SLC68A1: variants seen among roughly 807,000 people sequenced by gnomAD.
SLC68A1 encodes the protein solute carrier family 68 member 1.
At chr10:102,462,622 G>A in the SLC68A1 span, among the ~76,000 whole-genome samples, 1 of 152,134 alleles carries the variant, frequency 6.6e-6, no homozygotes, top group Non-Finnish European at 1.5e-5. Context: ...GCCTGGTAGG[G>A]TGAAGGGGAA....
the SLC68A1 span, chr10:102,469,695 C>T: frequency 6.7e-5 from 15 of 224,056 alleles, no homozygotes; most frequent in Non-Finnish European, 9.7e-5. Context: ...TACAAGCACC[C>T]GCCACCACGC....
the SLC68A1 span, among the ~76,000 whole-genome samples, chr10:102,464,221 C>T: frequency 1.3e-5 from 2 of 152,036 alleles, no homozygotes; most frequent in African/African-American, 2.4e-5. Flanking sequence ...GAGGCCAAGG[C>T]GGGCGGATTG....
chr10:102,471,144 G>A, the SLC68A1 span: 1 of 1,605,922 alleles, frequency 6.2e-7, no homozygotes, highest in Non-Finnish European at 8.5e-7. Flanking sequence ...GGCTCTTCAG[G>A]TCCTCACCAG....
At chr10:102,476,053 T>TTTTTG in the SLC68A1 span, 3 of 1,253,378 alleles carry the variant, frequency 2.4e-6, no homozygotes, top group South Asian at 4.1e-5. Context: ...TTTTTTTTGG[T>TTTTTG]TTTTTTTTTA....
the SLC68A1 span, chr10:102,471,241 C>T: frequency 6.2e-7 from 1 of 1,609,164 alleles, no homozygotes. Context: ...TGGCCAGCCC[C>T]AGGCAGTTCT....
chr10:102,471,217 T>C, the SLC68A1 span: 1 of 1,601,912 alleles, frequency 6.2e-7, no homozygotes, highest in Non-Finnish European at 8.5e-7. Flanking sequence ...CTGGGATGTG[T>C]TGGGGGATAA....
At chr10:102,476,609 G>GT in the SLC68A1 span, 2 of 986,120 alleles carry the variant, frequency 2.0e-6, no homozygotes, top group Non-Finnish European at 2.4e-6. Flanking sequence ...CATCACTGCA[G>GT]TGAAAGTCTC....
the SLC68A1 span, among the ~76,000 whole-genome samples, chr10:102,465,333 G>A: frequency 6.6e-6 from 1 of 152,234 alleles, no homozygotes; most frequent in African/African-American, 2.4e-5. Flanking sequence ...ACTGAGGAAG[G>A]AGAATTGCTT....
At chr10:102,476,482 G>C in the SLC68A1 span, 7 of 985,262 alleles carry the variant, frequency 7.1e-6, no homozygotes, top group Non-Finnish European at 8.4e-6. Context: ...TGGGAATACA[G>C]GCATGAGCCA....
the SLC68A1 span, chr10:102,468,624 G>T: frequency 6.1e-6 from 1 of 164,162 alleles, no homozygotes; most frequent in East Asian, 1.8e-4. Flanking sequence ...CGGAGATCTG[G>T]CTACTGCACT....
chr10:102,462,324 G>A, the SLC68A1 span, among the ~76,000 whole-genome samples: 1 of 152,170 alleles, frequency 6.6e-6, no homozygotes, highest in Non-Finnish European at 1.5e-5. Context: ...GGCAGAGAAT[G>A]GAATTGTTTT....
At chr10:102,462,409 G>T in the SLC68A1 span, among the ~76,000 whole-genome samples, 1 of 152,190 alleles carries the variant, frequency 6.6e-6, no homozygotes. Context: ...CAGGGCTCCT[G>T]ACTCCAAATT....
chr10:102,469,022 C>T, the SLC68A1 span: 1 of 1,609,926 alleles, frequency 6.2e-7, no homozygotes. Context: ...AAGGCTGGGG[C>T]TGCAGCCATG....
chr10:102,471,484 G>C, the SLC68A1 span: 1 of 1,538,182 alleles, frequency 6.5e-7, no homozygotes, highest in East Asian at 2.3e-5. Flanking sequence ...ACTTGGCCAC[G>C]CATGGTGGCT....
the SLC68A1 span, chr10:102,472,857 T>C: frequency 4.3e-6 from 7 of 1,613,876 alleles, no homozygotes; most frequent in African/African-American, 1.3e-5. Flanking sequence ...GTTGCAGGTC[T>C]TCCACTGCCA....
the SLC68A1 span, chr10:102,473,476 A>C: frequency 2.4e-6 from 3 of 1,249,338 alleles, no homozygotes; most frequent in Admixed American, 4.4e-5. Context: ...GTGCATCGCT[A>C]GTGTACAGGA....
the SLC68A1 span, chr10:102,469,862 T>A: frequency 1.4e-6 from 2 of 1,433,790 alleles, no homozygotes; most frequent in African/African-American, 1.4e-5. Flanking sequence ...GCAGAGGAAC[T>A]GACACCAGCA....
At chr10:102,469,746 C>CGTG in the SLC68A1 span, 1 of 619,312 alleles carries the variant, frequency 1.6e-6, no homozygotes, top group African/African-American at 2.0e-5. Context: ...GGGGTTTCGC[C>CGTG]ATGTTGGCCA....
the SLC68A1 span, chr10:102,471,238 C>A: frequency 6.2e-7 from 1 of 1,609,008 alleles, no homozygotes; most frequent in Non-Finnish European, 8.5e-7. Flanking sequence ...CTCTGGCCAG[C>A]CCCAGGCAGT....
Sources: gnomAD v4.1 joint callset for allele counts (sites outside exome capture counted in the v4.1 genomes callset) on GRCh38, gnomAD v4.1.1 for gene constraint, MANE v1.5 for transcripts, NCBI Gene and HGNC (gene_info 2026-07-23, HGNC 2026-07-21) for gene names.